OXR1: variants seen among roughly 807,000 people sequenced by gnomAD.
OXR1 encodes oxidation resistance protein 1.
OXR1 carries 41 observed loss-of-function variants against 104.6 expected under a neutral mutation model. The ratio of observed to expected loss-of-function variants is 0.39; its 90% confidence interval spans 0.31 to 0.51. OXR1 has a LOEUF of 0.51. OXR1 is among the 20% of genes least tolerant of loss of function. OXR1 has a pLI of 0.77. For synonymous variants in OXR1, 348 were observed against 348.4 expected (o/e 1.00, Z 0.01); for missense variants, 955 against 1,031.9 (o/e 0.93, Z 1.02).
intron 12 of OXR1, among the ~76,000 whole-genome samples, chr8:106,738,778 T>C (rs1834632322): frequency 6.6e-6 from 1 of 151,910 alleles, no homozygotes; most frequent in Non-Finnish European, 1.5e-5. Flanking sequence ...ATGTATTCTT[T>C]GTAATGCAAC....
intron 2 of OXR1, among the ~76,000 whole-genome samples, chr8:106,414,475 G>A (rs1373712397): frequency 6.6e-6 from 1 of 152,130 alleles, no homozygotes; most frequent in Non-Finnish European, 1.5e-5. Context: ...AGGTCATCTA[G>A]CAAGTATGAG....
chr8:106,402,147 G>A (rs559036804), intron 2 of OXR1, among the ~76,000 whole-genome samples: 13 of 152,256 alleles, frequency 8.5e-5, no homozygotes, highest in South Asian at 8.3e-4. Context: ...GAGTAGGCAC[G>A]TAGTTTAGCT....
chr8:106,459,493 AAAG>A (rs1820790041), intron 2 of OXR1, among the ~76,000 whole-genome samples: 1 of 152,188 alleles, frequency 6.6e-6, no homozygotes, highest in Non-Finnish European at 1.5e-5. Flanking sequence ...CAAAGCAGAC[AAAG>A]ACAAGCGCAT....
intron 2 of OXR1, among the ~76,000 whole-genome samples, chr8:106,486,773 G>A (rs1202286900): frequency 6.6e-6 from 1 of 152,002 alleles, no homozygotes; most frequent in East Asian, 1.9e-4. Flanking sequence ...TATTTAGGAA[G>A]AAGTAAAATT....
At chr8:106,468,878 A>T (rs12546608) in intron 2 of OXR1, among the ~76,000 whole-genome samples, 17,045 of 151,774 alleles carry the variant, frequency 0.11, 1,233 homozygotes, top group East Asian at 0.27. Context: ...CAAAGAATTT[A>T]TCGTAAGGAA....
intron 2 of OXR1, among the ~76,000 whole-genome samples, chr8:106,423,435 G>C (rs1319643351): frequency 6.6e-6 from 1 of 152,174 alleles, no homozygotes. Flanking sequence ...TTTAAGGAGC[G>C]ATTTCTGTAT....
At chr8:106,623,294 T>C (rs1051671731) in intron 3 of OXR1, among the ~76,000 whole-genome samples, 1 of 152,012 alleles carries the variant, frequency 6.6e-6, no homozygotes, top group Non-Finnish European at 1.5e-5. Flanking sequence ...TGAGACCTTT[T>C]AAAAATAGAA....
At chr8:106,448,228 G>A (rs1820109115) in intron 2 of OXR1, among the ~76,000 whole-genome samples, 3 of 152,290 alleles carry the variant, frequency 2.0e-5, no homozygotes, top group South Asian at 4.1e-4. Context: ...AAGTGGGACC[G>A]TGAACAAGGC....
chr8:106,489,868 A>G (rs758512283), intron 2 of OXR1, among the ~76,000 whole-genome samples: 36 of 152,132 alleles, frequency 2.4e-4, no homozygotes, highest in Non-Finnish European at 4.6e-4. Context: ...TTTCTCACCT[A>G]TCACATAACT....
At chr8:106,540,684 G>A (rs1814884594) in intron 3 of OXR1, among the ~76,000 whole-genome samples, 1 of 152,156 alleles carries the variant, frequency 6.6e-6, no homozygotes, top group South Asian at 2.1e-4. Flanking sequence ...AAGTTTAATG[G>A]AGAACTCAGA....
intron 1 of OXR1, among the ~76,000 whole-genome samples, chr8:106,350,959 C>G (rs567056162): frequency 1.3e-5 from 2 of 152,258 alleles, no homozygotes; most frequent in East Asian, 3.9e-4. Flanking sequence ...AATTGGATGA[C>G]TTCTACTCTA....
At chr8:106,391,396 T>A (rs1586596713) in intron 2 of OXR1, among the ~76,000 whole-genome samples, 1 of 151,890 alleles carries the variant, frequency 6.6e-6, no homozygotes, top group African/African-American at 2.4e-5. Flanking sequence ...TGTGGTAGTA[T>A]AAAATAATAA....
At chr8:106,289,601 A>T (rs752161856) in intron 1 of OXR1, among the ~76,000 whole-genome samples, 2 of 152,220 alleles carry the variant, frequency 1.3e-5, no homozygotes, top group Non-Finnish European at 2.9e-5. Flanking sequence ...AGCAATTTAT[A>T]GATTCAATGC....
chr8:106,519,627 A>T lies in OXR1; in HGVS notation c.220+488A>T, dbSNP rs183339405. 2.0e-3 allele frequency among the ~76,000 whole-genome samples: 307 copies of T among 152,286 alleles called. 2 individuals are homozygous for T. The highest frequency in any genetic ancestry group is 3.9e-3 in the Non-Finnish European group (268 of 68,012). On this transcript the variant is annotated intron_variant, in intron 3 of 16. Transcript: ENST00000517566. ...AAGCCAGTAAGAAAGTAACGTTATT[A>T]CATTCTGAGAGAGGACAGATTACAT...
At position 106,739,234 on chromosome 8, in the gene OXR1, G is replaced by A. The variant is rs545779196; in HGVS notation, c.2038-224G>A. Among the ~76,000 whole-genome samples the A allele has an allele frequency of 2.6e-5, 4 of 152,200 alleles. No individual in the cohort carries two copies. In the South Asian group the frequency reaches 8.3e-4, roughly 32 times the overall value. ...ATCATTCCTACCAGTCGTTCCTCAT[G>A]TAGTGGATGAGAAAACGTCTGCTTA... On this transcript the variant is annotated intron_variant, in intron 12 of 16. Transcript: ENST00000517566.
At chr8:106,654,280 A>G (rs1115200) in intron 3 of OXR1, among the ~76,000 whole-genome samples, 25,948 of 152,084 alleles carry the variant, frequency 0.17, 2,364 homozygotes, top group East Asian at 0.37. Flanking sequence ...GGGAAGACTC[A>G]CACTTTCCAA....
chr8:106,467,373 G>T (rs1221652095), intron 2 of OXR1, among the ~76,000 whole-genome samples: 3 of 151,756 alleles, frequency 2.0e-5, no homozygotes, highest in African/African-American at 7.3e-5. Flanking sequence ...ATAGTAGTGG[G>T]ATTCATCGGG....
intron 2 of OXR1, among the ~76,000 whole-genome samples, chr8:106,408,365 A>G (rs1448293959): frequency 1.3e-5 from 2 of 152,128 alleles, no homozygotes; most frequent in Non-Finnish European, 2.9e-5. Context: ...AACAGTATTC[A>G]GATATGACTT....
At chr8:106,672,797 T>C (rs1245293963) in intron 3 of OXR1, among the ~76,000 whole-genome samples, 1 of 152,142 alleles carries the variant, frequency 6.6e-6, no homozygotes, top group Non-Finnish European at 1.5e-5. Flanking sequence ...GATGGTTTTA[T>C]AAGTGTTTGA....
Sources: gnomAD v4.1 joint callset for allele counts (sites outside exome capture counted in the v4.1 genomes callset) on GRCh38, gnomAD v4.1.1 for gene constraint, MANE v1.5 for transcripts, NCBI Gene and HGNC (gene_info 2026-07-23, HGNC 2026-07-21) for gene names.